The following RFX7 variants were observed in gnomAD, a reference collection of about 807,000 sequenced individuals.
The protein encoded by RFX7 is regulatory factor X7.
RFX7 carries 26 observed loss-of-function variants against 111.8 expected under a neutral mutation model. The ratio of observed to expected loss-of-function variants is 0.23; its 90% CI spans 0.17 to 0.32. The LOEUF is 0.32. Ranked by LOEUF, RFX7 falls within the 10% of genes least tolerant of loss-of-function variation. The pLI, the probability that RFX7 is intolerant of heterozygous loss-of-function variation, is 1.00. For missense variants in RFX7, 1,573 were observed against 1,772.9 expected (o/e 0.89, Z 2.02); for synonymous variants, 624 against 624.4 (o/e 1.00, Z 0.01).
chr15:56,130,731 C>A (rs2042200821), intron 5 of RFX7, among the ~76,000 whole-genome samples: 1 of 150,668 alleles, frequency 6.6e-6, no homozygotes, highest in African/African-American at 2.4e-5. Flanking sequence ...TTTTACTTGT[C>A]TAAAAAAGAA....
intron 2 of RFX7, among the ~76,000 whole-genome samples, chr15:56,213,763 A>C (rs568360247): frequency 9.1e-4 from 138 of 152,330 alleles, no homozygotes; most frequent in African/African-American, 3.3e-3. Flanking sequence ...TAAAAAGTTC[A>C]ATTAGAAAAA....
chr15:56,105,709 A>C (rs2041821523), intron 5 of RFX7, among the ~76,000 whole-genome samples: 1 of 152,268 alleles, frequency 6.6e-6, no homozygotes, highest in Non-Finnish European at 1.5e-5. Flanking sequence ...CAAAAGAAGT[A>C]ATGTTAAGTA....
chr15:56,151,238 AC>A (rs1350236955), intron 3 of RFX7, among the ~76,000 whole-genome samples: 1 of 152,170 alleles, frequency 6.6e-6, no homozygotes, highest in Non-Finnish European at 1.5e-5. Flanking sequence ...GAGAAGAGCA[AC>A]CCCAAGACAC....
chr15:56,233,474 T>C (rs1197225636), intron 2 of RFX7, among the ~76,000 whole-genome samples: 9 of 151,982 alleles, frequency 5.9e-5, no homozygotes, highest in Admixed American at 4.6e-4. Context: ...AGCCAAACCA[T>C]ATCAGCAGTG....
At chr15:56,238,248 C>G (rs569321181) in intron 2 of RFX7, among the ~76,000 whole-genome samples, 50 of 152,254 alleles carry the variant, frequency 3.3e-4, no homozygotes, top group African/African-American at 1.0e-3. Context: ...CCAAACACAG[C>G]TCCCTGTAAC....
intron 5 of RFX7, among the ~76,000 whole-genome samples, chr15:56,108,699 C>A (rs867649879): frequency 6.6e-5 from 10 of 152,098 alleles, no homozygotes; most frequent in Middle Eastern, 3.4e-3. Context: ...CTGGCCAGGG[C>A]AATCAGGCAA....
chr15:56,147,267 G>T (rs1338022033), intron 3 of RFX7, among the ~76,000 whole-genome samples: 1 of 152,062 alleles, frequency 6.6e-6, no homozygotes, highest in South Asian at 2.1e-4. Context: ...GCCATAAAAG[G>T]AATGGAGTAC....
At chr15:56,214,453 C>T (rs924831543) in intron 2 of RFX7, among the ~76,000 whole-genome samples, 10 of 152,102 alleles carry the variant, frequency 6.6e-5, no homozygotes, top group Non-Finnish European at 1.2e-4. Context: ...CGGTGGCTCA[C>T]GCCTGTAATC....
chr15:56,205,879 C>G (rs1158890022), intron 2 of RFX7, among the ~76,000 whole-genome samples: 1 of 152,062 alleles, frequency 6.6e-6, no homozygotes, highest in Admixed American at 6.5e-5. Context: ...GAGATACCAC[C>G]CCACATCCAT....
At chr15:56,192,761 C>A in intron 2 of RFX7, 1 of 223,554 alleles carries the variant, frequency 4.5e-6, no homozygotes, top group South Asian at 7.8e-5. Context: ...CAAATTTCAT[C>A]AGGGGCACTG....
At chr15:56,215,196 A>G (rs1346573999) in intron 2 of RFX7, among the ~76,000 whole-genome samples, 1 of 152,224 alleles carries the variant, frequency 6.6e-6, no homozygotes, top group Non-Finnish European at 1.5e-5. Context: ...CCTTGTAATC[A>G]ATACAATGTA....
intron 3 of RFX7, among the ~76,000 whole-genome samples, chr15:56,161,837 G>A (rs75555719): frequency 0.015 from 2,305 of 151,966 alleles, 55 homozygotes; most frequent in African/African-American, 0.046. Context: ...ATAGCCAAAG[G>A]GTACCAAAGC....
intron 2 of RFX7, among the ~76,000 whole-genome samples, chr15:56,215,305 T>A (rs1427751607): frequency 6.6e-6 from 1 of 152,228 alleles, no homozygotes; most frequent in Non-Finnish European, 1.5e-5. Flanking sequence ...AACCCACAGA[T>A]ACAGAGGGCT....
rs558819114 is a variant in RFX7, at chr15:56,181,940, T to C, written c.162-2637A>G. Among the ~76,000 whole-genome samples, 3 of 152,246 alleles carry C rather than the reference T, an allele frequency of 2.0e-5. No individual in the cohort carries two copies. The East Asian group carries it at 5.8e-4, about 29-fold the overall frequency. ...TCACATCAGTGGCAACATTAGATTC[T>C]CATAGGAGCCTGTGAACCCTATTGT... On this transcript the variant is annotated intron_variant, in intron 2 of 9. Transcript: ENST00000559447.
chr15:56,171,612 C>G (rs1455830509), intron 3 of RFX7, among the ~76,000 whole-genome samples: 1 of 152,056 alleles, frequency 6.6e-6, no homozygotes, highest in Non-Finnish European at 1.5e-5. Context: ...CTGCTAACAA[C>G]TTAGTTTTAT....
intron 2 of RFX7, among the ~76,000 whole-genome samples, chr15:56,182,853 T>C (rs1339935496): frequency 6.6e-6 from 1 of 152,160 alleles, no homozygotes; most frequent in Non-Finnish European, 1.5e-5. Flanking sequence ...GCTTTAAATC[T>C]AGAAGTCAAT....
At chr15:56,129,632 G>A (rs1250558569) in intron 5 of RFX7, among the ~76,000 whole-genome samples, 1 of 152,168 alleles carries the variant, frequency 6.6e-6, no homozygotes, top group African/African-American at 2.4e-5. Flanking sequence ...AAGTTGGAGA[G>A]CACACTGCCC....
At position 56,101,516 on chromosome 15, in the gene RFX7, A is replaced by G. The variant is rs1219457067; in HGVS notation, c.654T>C (p.Val218=). ...ACACAAGACGGCAAGCAGAAGAGATAACTTCTTCATCAATATTTTGAAGCT... is the reference window on the plus strand; with the variant it reads ...ACACAAGACGGCAAGCAGAAGAGATGACTTCTTCATCAATATTTTGAAGCT... ...SGQLQNIDEE[V]ISSACRLVCE... is the part of the protein sequence containing the mutation. The change falls in exon 8 of 10, where the codon GTT becomes GTC. Residue 218 remains valine, a synonymous_variant. Coordinates refer to ENST00000559447, the MANE Select transcript of RFX7 (RefSeq NM_022841.7). The G allele has an allele frequency of 9.9e-6, 16 of 1,613,718 alleles. No individual in the cohort carries two copies. In the African/African-American group the frequency reaches 1.1e-4, roughly 11 times the overall value.
At chr15:56,186,933 T>G (rs1412819633) in intron 2 of RFX7, among the ~76,000 whole-genome samples, 1 of 152,206 alleles carries the variant, frequency 6.6e-6, no homozygotes, top group Non-Finnish European at 1.5e-5. Flanking sequence ...AGTCTTCAAA[T>G]TTTTAATGTA....
Sources: gnomAD v4.1 joint callset for allele counts (sites outside exome capture counted in the v4.1 genomes callset) on GRCh38, gnomAD v4.1.1 for gene constraint, MANE v1.5 for transcripts, NCBI Gene and HGNC (gene_info 2026-07-23, HGNC 2026-07-21) for gene names.